TGFB3: variants seen among roughly 807,000 people sequenced by gnomAD.
The protein encoded by TGFB3 is transforming growth factor beta 3.
Under a neutral mutation model 40.1 loss-of-function variants are expected in TGFB3, and 5 were observed. The observed-to-expected ratio is 0.12, with a 90% CI of 0.07 to 0.26. The LOEUF (loss-of-function observed/expected upper bound fraction) is 0.26, where lower values mean the gene tolerates loss of function less well. TGFB3 is among the 10% of genes least tolerant of loss of function. The pLI is 1.00. For missense variants in TGFB3, 373 were observed against 530.1 expected (o/e 0.70, Z 2.91); for synonymous variants, 184 against 205.6 (o/e 0.89, Z 0.90).
At chr14:75,963,125 G>T in intron 5 of TGFB3, 191 bp downstream of exon 5, 1 of 698,014 alleles carries the variant, frequency 1.4e-6, no homozygotes, top group Non-Finnish European at 2.5e-6. Flanking sequence ...AAAAACAGTG[G>T]GACTCCCAGG....
At chr14:75,970,736 T>A in intron 3 of TGFB3, 1 of 322,508 alleles carries the variant, frequency 3.1e-6, no homozygotes, top group South Asian at 2.7e-5. Context: ...CAAGCTTATT[T>A]CCACTTGAGG....
Position 75,971,665 on chromosome 14 carries a change from C to T in TGFB3, c.406G>A (p.Val136Met), listed in dbSNP as rs1447808778. The change falls in exon 2 of 7, where the codon GTG becomes ATG. Residue 136 changes from valine (V) to methionine (M), a missense_variant. Physicochemically the swap from Val to Met is conservative, Grantham distance 21. Coordinates refer to ENST00000238682, the MANE Select transcript of TGFB3 (RefSeq NM_003239.5). The surrounding 1 kb of genome is among the most constrained non-coding windows in gnomAD (Gnocchi z 4.5). ...GTTCTATTTTTCTCCACTGAGGACA[C>T]ATTGAAGCGGAAAACCTTGGAGGTA... ...GITSKVFRFN[V>M]SSVEKNRTNL... 6.2e-7 allele frequency: 1 copy of T among 1,614,254 alleles called. No individual in the cohort carries two copies. The highest frequency in any genetic ancestry group is 1.1e-5 in the South Asian group (1 of 91,090).
rs1264703887 is a variant in TGFB3, at chr14:75,979,101, C to T, written c.352+1441G>A. ...TGGGCAGGGAGTAGTAGCTCTGCATCGGCCTCCAGCCTCCGCCCCACATGG... is the reference window on the plus strand; with the variant it reads ...TGGGCAGGGAGTAGTAGCTCTGCATTGGCCTCCAGCCTCCGCCCCACATGG... On this transcript the variant is annotated intron_variant, in intron 1 of 6. Coordinates refer to ENST00000238682, the MANE Select transcript of TGFB3 (RefSeq NM_003239.5). The surrounding 1 kb of genome is among the most constrained non-coding windows in gnomAD (Gnocchi z 4.8). Among the ~76,000 whole-genome samples the T allele has an allele frequency of 6.6e-6, 1 of 152,138 alleles. No homozygotes were observed. The highest frequency in any genetic ancestry group is 2.4e-5 in the African/African-American group (1 of 41,446).
At chr14:75,977,208 T>G (rs1246712027) in intron 1 of TGFB3, among the ~76,000 whole-genome samples, 2 of 152,242 alleles carry the variant, frequency 1.3e-5, no homozygotes, top group Non-Finnish European at 2.9e-5. Flanking sequence ...GTCTTAGCGC[T>G]GCCCTTGGCT....
intron 1 of TGFB3, among the ~76,000 whole-genome samples, chr14:75,977,901 T>C (rs773827152): frequency 6.6e-6 from 1 of 152,036 alleles, no homozygotes; most frequent in Non-Finnish European, 1.5e-5. Flanking sequence ...GCACACAGAA[T>C]GTCTAGGTTA....
Position 75,980,499 on chromosome 14 carries a change from C to G in TGFB3, c.352+43G>C, listed in dbSNP as rs1280722368. 6.3e-7 allele frequency: 1 copy of G among 1,599,422 alleles called. No homozygotes were observed. The highest frequency in any genetic ancestry group is 8.6e-7 in the Non-Finnish European group (1 of 1,166,722). On this transcript the variant is annotated intron_variant, in intron 1 of 6. Transcript: ENST00000238682. The surrounding 1 kb of genome is among the most constrained non-coding windows in gnomAD (Gnocchi z 4.3). ...CTCTGCAGAGCTCCCAGCTCCAGTT[C>G]AGACCCTCCAGAGCAGACACCCCAG...
At position 75,980,231 on chromosome 14, in the gene TGFB3, CAT is replaced by C. The variant is rs2035407976; in HGVS notation, c.352+309_352+310del. On this transcript the variant is annotated intron_variant, in intron 1 of 6. Coordinates refer to ENST00000238682, the MANE Select transcript of TGFB3 (RefSeq NM_003239.5). The surrounding 1 kb of genome is among the most constrained non-coding windows in gnomAD (Gnocchi z 4.3). ...TGATACGATCGCATGTGCAAGAATA[CAT>C]ATGTTTCCCTGGACAGCACAATGTA... Among the ~76,000 whole-genome samples the C allele has an allele frequency of 6.6e-6, 1 of 152,178 alleles. No individual in the cohort carries two copies.
upstream of TGFB3, among the ~76,000 whole-genome samples, chr14:75,982,562 A>G (rs1288048222): frequency 2.0e-5 from 3 of 151,932 alleles, no homozygotes; most frequent in Non-Finnish European, 2.9e-5. This position sits in a 1 kb window ranked among gnomAD's most constrained non-coding sequence, Gnocchi z 4.0. Context: ...GAGACGCTCC[A>G]GGGGCAGTGA....
intron 6 of TGFB3, 128 bp downstream of exon 6, chr14:75,960,795 C>T (rs1028140269): frequency 3.2e-5 from 41 of 1,293,122 alleles, no homozygotes; most frequent in Non-Finnish European, 4.3e-5. Context: ...AGAACCTTCA[C>T]CAGAGGAATT....
At position 75,979,212 on chromosome 14, in the gene TGFB3, C is replaced by G. The variant is rs1357920205; in HGVS notation, c.352+1330G>C. On this transcript the variant is annotated intron_variant, in intron 1 of 6. Transcript: ENST00000238682. The surrounding 1 kb of genome is among the most constrained non-coding windows in gnomAD (Gnocchi z 4.8). ...CGCCAGTAACCACAGGCTCCTCTGC[C>G]TGGCGTGGAGCCGTGAACGGGGCCT... is the stretch of plus-strand genomic sequence containing the variant. 6.6e-6 allele frequency among the ~76,000 whole-genome samples: 1 copy of G among 152,208 alleles called. No individual in the cohort carries two copies. Among genetic ancestry groups the G allele is most frequent in the African/African-American group, 2.4e-5 (1 of 41,452 alleles).
intron 5 of TGFB3, among the ~76,000 whole-genome samples, chr14:75,961,518 T>A (rs893867983): frequency 6.6e-6 from 1 of 152,216 alleles, no homozygotes; most frequent in African/African-American, 2.4e-5. Context: ...CTGCTGAGAC[T>A]CAATCCAAAG....
Position 75,958,816 on chromosome 14 carries a change from G to C in TGFB3, c.*371C>G. ...CAGATCTGAAGTGTCTTCCAGTCTG[G>C]CCCTGACCCAGCCATTCTCTGCCCT... On this transcript the variant is annotated 3_prime_UTR_variant, in exon 7 of 7. Coordinates refer to ENST00000238682, the MANE Select transcript of TGFB3 (RefSeq NM_003239.5). 8.5e-6 allele frequency: 3 copies of C among 354,542 alleles called. No homozygotes were observed. The highest frequency in any genetic ancestry group is 6.8e-5 in the South Asian group (3 of 43,806). 22.0% of individuals were successfully genotyped at this position (354,542 alleles called of 1,614,324 possible).
In TGFB3 at chr14:75,965,683, C is replaced by T; in HGVS notation, c.659G>A (p.Gly220Asp). 1 of 1,614,020 alleles carries T rather than the reference C, an allele frequency of 6.2e-7. No homozygotes were observed. Among genetic ancestry groups the T allele is most frequent in the East Asian group, 2.2e-5 (1 of 44,884 alleles). ...EWLLRRESNL[G>D]LEISIHCPCH... ...TGGACAGTGAATGCTGATTTCTAGACCTAAGTTGGACTCTGCAAAATAAGA... is the reference window on the plus strand; with the variant it reads ...TGGACAGTGAATGCTGATTTCTAGATCTAAGTTGGACTCTGCAAAATAAGA... The change falls in exon 4 of 7, where the codon GGT becomes GAT. Residue 220 changes from glycine (G) to aspartate (D), a missense_variant. Transcript: ENST00000238682.
In TGFB3 at chr14:75,963,429, C is replaced by T. The variant is rs147601018; in HGVS notation, c.813G>A (p.Lys271=). The T allele has an allele frequency of 6.2e-7, 1 of 1,611,944 alleles. No homozygotes were observed. The highest frequency in any genetic ancestry group is 1.1e-5 in the South Asian group (1 of 90,936). ...RGDLGRLKKQ[K]DHHNPHLILM... ...GGATTAGATGAGGGTTGTGGTGATC[C>T]TTCTGCTTCTTGAGGCGCCCCAGAT... The change falls in exon 5 of 7, where the codon AAG becomes AAA. Residue 271 remains lysine (K), a synonymous_variant. Transcript: ENST00000238682.
At chr14:75,974,039 T>C (rs563852149) in intron 1 of TGFB3, among the ~76,000 whole-genome samples, 76 of 151,526 alleles carry the variant, frequency 5.0e-4, no homozygotes, top group African/African-American at 1.8e-3. Flanking sequence ...ACTGAGGAGG[T>C]TGAGGCAGGA....
intron 6 of TGFB3, among the ~76,000 whole-genome samples, chr14:75,959,852 GAA>G (rs1384160095): frequency 6.8e-6 from 1 of 146,094 alleles, no homozygotes. Context: ...CACAATGACA[GAA>G]GCAGAACAAC....
intron 1 of TGFB3, among the ~76,000 whole-genome samples, chr14:75,977,656 C>CA (rs1196922250): frequency 0.13 from 8,696 of 67,062 alleles, 339 homozygotes; most frequent in Middle Eastern, 0.2. Context: ...ATCTCCCGGG[C>CA]AAAAAAAAAA....
In TGFB3 at chr14:75,971,338, G is replaced by A; in HGVS notation, c.517-83C>T. 7.5e-6 allele frequency: 12 copies of A among 1,603,872 alleles called. No individual in the cohort carries two copies. The highest frequency in any genetic ancestry group is 1.7e-5 in the Admixed American group (1 of 59,036). On this transcript the variant is annotated intron_variant, in intron 2 of 6. Coordinates refer to ENST00000238682, the MANE Select transcript of TGFB3 (RefSeq NM_003239.5). This position sits in a 1 kb window ranked among gnomAD's most constrained non-coding sequence, Gnocchi z 4.5. ...GTCACAATGCAGAGCACAGGTGAGG[G>A]AGCGATAGGAAACCAGTGGTTCCTG...
At chr14:75,982,458 G>A (rs1268923320), upstream of TGFB3, among the ~76,000 whole-genome samples, 1 of 152,172 alleles carries the variant, frequency 6.6e-6, no homozygotes, top group African/African-American at 2.4e-5. This position sits in a 1 kb window ranked among gnomAD's most constrained non-coding sequence, Gnocchi z 4.0. Flanking sequence ...CTCCCAGCCT[G>A]CGAGCCGGGT....
Sources: allele counts gnomAD v4.1 joint callset (sites outside exome capture counted in the v4.1 genomes callset), GRCh38; gene constraint gnomAD v4.1.1; non-coding constraint Gnocchi (gnomAD v3.1); transcripts MANE v1.5; gene names NCBI Gene and HGNC (gene_info 2026-07-23, HGNC 2026-07-21).